MPP7: variants seen among roughly 807,000 people sequenced by gnomAD.
MPP7 encodes the protein MAGUK p55 scaffold protein 7.
MPP7 carries 60 observed loss-of-function variants against 76.5 expected under a neutral mutation model. The observed-to-expected ratio is 0.78, with a 90% CI of 0.64 to 0.97. The LOEUF (loss-of-function observed/expected upper bound fraction) is 0.97. Ranked by LOEUF, MPP7 falls within the 50% of genes least tolerant of loss-of-function variation. The pLI is 0.00. For missense variants in MPP7, 641 were observed against 694.0 expected (o/e 0.92, Z 0.86); for synonymous variants, 237 against 244.5 (o/e 0.97, Z 0.29).
At chr10:28,327,518 T>A (rs569161568) in intron 2 of MPP7, among the ~76,000 whole-genome samples, 87 of 152,320 alleles carry the variant, frequency 5.7e-4, no homozygotes, top group Non-Finnish European at 1.0e-3. Flanking sequence ...TAACAACTTT[T>A]GATTTTTTTT....
rs1158281340 is a variant in MPP7 at position 28,150,006 on chromosome 10, A to G, written c.210T>C (p.His70=). The change falls in exon 4 of 17, where the codon CAT becomes CAC. Residue 70 remains histidine (H), a synonymous_variant. Coordinates refer to ENST00000683449, the MANE Select transcript of MPP7 (RefSeq NM_001318170.2). ...YEKQSPVPIL[H]GAAALADDLA... is the part of the protein sequence containing the mutation. ...CATCATCGGCCAAGGCCGCCGCACC[A>G]TGGAGAATGGGCACCGGACTCTGCT... 2.5e-6 allele frequency: 4 copies of G among 1,613,750 alleles called. No individual in the cohort carries two copies. The highest frequency in any genetic ancestry group is 3.4e-6 in the Non-Finnish European group (4 of 1,179,892).
intron 1 of MPP7, among the ~76,000 whole-genome samples, chr10:28,278,889 CCATT>C (rs996596611): frequency 1.3e-5 from 2 of 149,776 alleles, no homozygotes; most frequent in East Asian, 2.0e-4. Flanking sequence ...GTTCTCTTTG[CCATT>C]CATTATTTCT....
chr10:28,075,734 T>C (rs1852454331), intron 12 of MPP7, among the ~76,000 whole-genome samples: 1 of 152,178 alleles, frequency 6.6e-6, no homozygotes, highest in Admixed American at 6.5e-5. Context: ...AAATATTCTC[T>C]GACACTTTAC....
At chr10:28,234,904 A>G (rs1230085553) in intron 2 of MPP7, among the ~76,000 whole-genome samples, 2 of 152,184 alleles carry the variant, frequency 1.3e-5, no homozygotes, top group East Asian at 3.8e-4. Flanking sequence ...TACACCTCCC[A>G]GGCTCAGGTG....
At chr10:28,229,225 A>G (rs1161217436) in intron 2 of MPP7, among the ~76,000 whole-genome samples, 4 of 152,228 alleles carry the variant, frequency 2.6e-5, no homozygotes, top group African/African-American at 7.2e-5. Context: ...AGAAAATAAT[A>G]AAAACAGCCA....
In MPP7 at chr10:28,124,063, C is replaced by T. The variant is rs374108216; in HGVS notation, c.583G>A (p.Asp195Asn). The T allele has an allele frequency of 5.0e-6, 8 of 1,612,108 alleles. No homozygotes were observed. The African/African-American group carries it at 5.3e-5, about 11-fold the overall frequency. Residue 195 changes from aspartate (D) to asparagine (N), a missense_variant, in exon 8 of 17, where the codon GAT becomes AAT. Asp to Asn is a conservative substitution (Grantham distance 23). Transcript: ENST00000683449. ...LREVNGIPVE[D>N]KRPEEIIQIL... Reference sequence around the variant, plus strand: ...TGTATTATTTCCTCAGGCCTTTTATCCTCCACTGGTATCCCGTTGACTTCC... The same window carrying T: ...TGTATTATTTCCTCAGGCCTTTTATTCTCCACTGGTATCCCGTTGACTTCC...
At chr10:28,138,164 A>T (rs1254546224) in intron 5 of MPP7, among the ~76,000 whole-genome samples, 2 of 152,228 alleles carry the variant, frequency 1.3e-5, no homozygotes, top group Admixed American at 1.3e-4. Flanking sequence ...ATAATGCCAT[A>T]TTCTAGAGAT....
chr10:28,252,521 T>A (rs1303374288), intron 1 of MPP7, among the ~76,000 whole-genome samples: 1 of 152,212 alleles, frequency 6.6e-6, no homozygotes, highest in African/African-American at 2.4e-5. Context: ...CAAGCCTGGG[T>A]TGTAATATGA....
At chr10:28,221,467 G>A (rs1436490234) in intron 2 of MPP7, among the ~76,000 whole-genome samples, 1 of 152,160 alleles carries the variant, frequency 6.6e-6, no homozygotes, top group East Asian at 1.9e-4. Context: ...GATAAGAGTG[G>A]CACTTCAAAT....
intron 11 of MPP7, among the ~76,000 whole-genome samples, chr10:28,092,751 T>G (rs1011809418): frequency 1.4e-5 from 2 of 147,186 alleles, no homozygotes; most frequent in East Asian, 4.1e-4. Flanking sequence ...TTTTTTTTTT[T>G]TTTTTTTTTG....
chr10:28,270,555 T>TGGGGGGGG (rs1840296119), intron 1 of MPP7, among the ~76,000 whole-genome samples: 11 of 7,558 alleles, frequency 1.5e-3, no homozygotes, highest in African/African-American at 2.7e-3. Context: ...GGAGGGGAGC[T>TGGGGGGGG]GGGGAGGGGG....
chr10:28,327,077 C>G (rs1342891471), intron 2 of MPP7, among the ~76,000 whole-genome samples: 1 of 152,052 alleles, frequency 6.6e-6, no homozygotes, highest in Non-Finnish European at 1.5e-5. Flanking sequence ...GCACATGTGA[C>G]CAGCTGCACT....
intron 12 of MPP7, among the ~76,000 whole-genome samples, chr10:28,075,563 G>A (rs962889426): frequency 4.6e-5 from 7 of 152,004 alleles, no homozygotes; most frequent in Admixed American, 2.0e-4. Flanking sequence ...TGCACTGTAC[G>A]CTGCAGCGCC....
intron 12 of MPP7, among the ~76,000 whole-genome samples, chr10:28,072,679 T>C (rs1263337265): frequency 6.6e-6 from 1 of 152,186 alleles, no homozygotes; most frequent in Non-Finnish European, 1.5e-5. Flanking sequence ...TCCTGATCTC[T>C]GGTGACCTCC....
chr10:28,131,634 G>A lies in MPP7; in HGVS notation c.373C>T (p.Pro125Ser), dbSNP rs370853057. 7 of 1,606,570 alleles carry A rather than the reference G, an allele frequency of 4.4e-6. No homozygotes were observed. The African/African-American group carries it at 5.4e-5, about 12-fold the overall frequency. The change falls in exon 6 of 17, where the codon CCT becomes TCT. Residue 125 changes from proline to serine, a missense_variant. By Grantham distance (74) the Pro-to-Ser change is moderately conservative. Transcript: ENST00000683449. ...TCATCGTCAATATCTTCAGGCATAGGAGGCAACACTGGGTCGTAATTCTTC... is the reference window on the plus strand; with the variant it reads ...TCATCGTCAATATCTTCAGGCATAGAAGGCAACACTGGGTCGTAATTCTTC... ...AQKNYDPVLP[P>S]MPEDIDDEED...
chr10:28,262,224 TACA>T (rs1564741380), intron 1 of MPP7, among the ~76,000 whole-genome samples: 300 of 26,250 alleles, frequency 0.011, 34 homozygotes, highest in Middle Eastern at 0.029. Context: ...TATATATATA[TACA>T]TATATATATA....
Position 28,299,901 on chromosome 10 carries a change from G to C in MPP7, c.-132+2960C>G, listed in dbSNP as rs377368322. Among the ~76,000 whole-genome samples, 1,131 of 151,898 alleles carry C rather than the reference G, an allele frequency of 7.4e-3. 17 individuals carry two copies. Among genetic ancestry groups the C allele is most frequent in the African/African-American group, 0.027 (1,101 of 41,416 alleles). ...CCTGCCTCAGCCTCCCGAGTAGCTG[G>C]GATTACAGGCGCCCACCACCACGCC... On this transcript the variant is annotated intron_variant, in intron 1 of 16. Transcript: ENST00000683449.
intron 12 of MPP7, among the ~76,000 whole-genome samples, chr10:28,080,732 A>G (rs866256498): frequency 6.6e-6 from 1 of 152,230 alleles, no homozygotes; most frequent in African/African-American, 2.4e-5. Context: ...TAAAAAGCCA[A>G]CTGTGACTCC....
intron 1 of MPP7, among the ~76,000 whole-genome samples, chr10:28,274,714 G>A (rs973097671): frequency 1.3e-5 from 2 of 152,132 alleles, no homozygotes; most frequent in Non-Finnish European, 2.9e-5. Flanking sequence ...GAGGCTGCCT[G>A]GATGACTTCC....
Sources: gnomAD v4.1 joint callset for allele counts (sites outside exome capture counted in the v4.1 genomes callset) on GRCh38, gnomAD v4.1.1 for gene constraint, MANE v1.5 for transcripts, NCBI Gene and HGNC (gene_info 2026-07-23, HGNC 2026-07-21) for gene names.